FAT3: variants seen among roughly 807,000 people sequenced by gnomAD.
FAT3 encodes the protein protocadherin Fat 3.
A neutral mutation model predicts 310.2 loss-of-function variants in FAT3; 95 were observed. That is an observed-to-expected ratio of 0.31 (90% confidence interval 0.26 to 0.36). FAT3 has a LOEUF of 0.36. Among genes scored for constraint, FAT3 ranks in the 10% least tolerant of loss-of-function variants. The pLI, the probability that FAT3 is intolerant of heterozygous loss-of-function variation, is 1.00. For synonymous variants in FAT3, 2,314 were observed against 2,192.9 expected (o/e 1.06, Z -1.54); for missense variants, 5,408 against 5,715.6 (o/e 0.95, Z 1.74).
intron 3 of FAT3, among the ~76,000 whole-genome samples, chr11:92,677,594 G>A (rs992216819): frequency 1.3e-5 from 2 of 152,144 alleles, no homozygotes; most frequent in Non-Finnish European, 2.9e-5. Context: ...TTGCAGCTTT[G>A]GAGGATGGAA....
intron 2 of FAT3, among the ~76,000 whole-genome samples, chr11:92,465,083 G>A (rs1291733383): frequency 2.6e-5 from 4 of 152,136 alleles, no homozygotes; most frequent in African/African-American, 9.7e-5. Context: ...TTTGATTTAC[G>A]TGATATGCAG....
rs529617795 is a variant in FAT3, at chr11:92,471,915, C to A, written c.3293-52719C>A. Reference sequence around the variant, plus strand: ...TTCAAAAGACCCTACTTTTCATATGCTATATATATATATATATATATATAT... The same window carrying A: ...TTCAAAAGACCCTACTTTTCATATGATATATATATATATATATATATATAT... On this transcript the variant is annotated intron_variant, in intron 2 of 27. Transcript: ENST00000525166. 9.6e-4 allele frequency among the ~76,000 whole-genome samples: 120 copies of A among 124,916 alleles called. 1 individual carries two copies. The highest frequency in any genetic ancestry group is 3.3e-3 in the African/African-American group (106 of 32,266). The allele number at this position is 124,916 out of a possible 152,430, so 81.9% of individuals were successfully genotyped here.
intron 13 of FAT3, among the ~76,000 whole-genome samples, chr11:92,822,175 A>T (rs952494507): frequency 2.0e-5 from 3 of 152,192 alleles, no homozygotes; most frequent in African/African-American, 4.8e-5. Context: ...ATTCCTTCCA[A>T]AAAGGAGGTA....
chr11:92,403,064 CA>C (rs1419705190), intron 2 of FAT3, among the ~76,000 whole-genome samples: 1 of 152,166 alleles, frequency 6.6e-6, no homozygotes, highest in Non-Finnish European at 1.5e-5. Context: ...GTCTTACAGA[CA>C]AGTTTACTTG....
rs545256157 is a variant in FAT3, at chr11:92,773,919, TGAG to T, written c.4196-121_4196-119del. On this transcript the variant is annotated intron_variant, in intron 6 of 27. Transcript: ENST00000525166. ...AGGTCCCATTTAAGATGTACAAAAT[TGAG>T]CCATAGGGATGCCTGTCAAAAAAAA... is the stretch of plus-strand genomic sequence containing the variant. The T allele has an allele frequency of 2.9e-4, 270 of 930,082 alleles. 2 individuals are homozygous for T. The South Asian group carries it at 4.6e-3, about 16-fold the overall frequency. 57.6% of individuals were successfully genotyped at this position (930,082 alleles called of 1,614,324 possible). A position where few individuals can be genotyped will look rare whatever the true frequency, so the allele number is the denominator to read the frequency against.
At chr11:92,326,329 T>C (rs569735368) in intron 1 of FAT3, among the ~76,000 whole-genome samples, 47 of 152,336 alleles carry the variant, frequency 3.1e-4, no homozygotes, top group African/African-American at 9.9e-4. Context: ...AAAACAATCC[T>C]GTACAATATT....
chr11:92,705,978 AGTGATG>A (rs149853800), intron 4 of FAT3, among the ~76,000 whole-genome samples: 47,177 of 129,582 alleles, frequency 0.36, 7,729 homozygotes, highest in African/African-American at 0.39. Flanking sequence ...TGGTAGTGGC[AGTGATG>A]GTGATGGTGG....
At chr11:92,325,142 T>G (rs1947730715) in intron 1 of FAT3, among the ~76,000 whole-genome samples, 1 of 152,214 alleles carries the variant, frequency 6.6e-6, no homozygotes. Context: ...TGTGAAGTCA[T>G]TAAGGTACAA....
At position 92,799,061 on chromosome 11, in the gene FAT3, A is replaced by C. The variant is rs760937030; in HGVS notation, c.6048A>C (p.Lys2016Asn). The change falls in exon 10 of 28, where the codon AAA becomes AAC. Residue 2016 changes from lysine (K) to asparagine (N), a missense_variant. This residue lies in a region of FAT3 where 4,588 missense variants were observed against 4,809.8 expected (regional missense o/e 0.95). Coordinates refer to ENST00000525166, the MANE Select transcript of FAT3 (RefSeq NM_001367949.2). ...GAAATCGCCTTAATGAGCCCTTAAA[A>C]TACAGCATCTTAAACCCAGGAAATA... ...AVGNRLNEPL[K>N]YSILNPGNKF... The C allele has an allele frequency of 1.9e-6, 3 of 1,613,980 alleles. No homozygotes were observed. The highest frequency in any genetic ancestry group is 2.5e-6 in the Non-Finnish European group (3 of 1,179,878).
intron 2 of FAT3, among the ~76,000 whole-genome samples, chr11:92,411,533 A>G (rs1351110895): frequency 6.6e-6 from 1 of 152,146 alleles, no homozygotes; most frequent in African/African-American, 2.4e-5. Context: ...GGCAAGACCC[A>G]GGAATCTGTA....
At chr11:92,514,584 A>AT (rs1953413143) in intron 2 of FAT3, among the ~76,000 whole-genome samples, 1 of 152,124 alleles carries the variant, frequency 6.6e-6, no homozygotes, top group African/African-American at 2.4e-5. Context: ...TAGATGGTTT[A>AT]TTTTTTAAAT....
At chr11:92,784,710 C>A (rs143673565) in intron 7 of FAT3, among the ~76,000 whole-genome samples, 116 of 152,186 alleles carry the variant, frequency 7.6e-4, no homozygotes, top group South Asian at 4.4e-3. Flanking sequence ...ACAAATGGCC[C>A]CGACTGTGGG....
At chr11:92,726,335 A>G (rs978601038) in intron 4 of FAT3, among the ~76,000 whole-genome samples, 1 of 152,172 alleles carries the variant, frequency 6.6e-6, no homozygotes, top group African/African-American at 2.4e-5. Context: ...TATTCAGAAA[A>G]GCATATTTAT....
chr11:92,872,904 T>G (rs192069332), intron 22 of FAT3, among the ~76,000 whole-genome samples: 2 of 152,300 alleles, frequency 1.3e-5, no homozygotes, highest in Non-Finnish European at 1.5e-5. Flanking sequence ...CACTCATAAT[T>G]AGAATCTCAC....
chr11:92,769,312 G>A (rs932118601), intron 6 of FAT3, among the ~76,000 whole-genome samples: 8 of 152,172 alleles, frequency 5.3e-5, no homozygotes, highest in South Asian at 2.1e-4. Context: ...ACAGCCCAAC[G>A]CACAGCATGT....
At chr11:92,225,214 T>TGCACCGACTGGAGC (rs1445607769) in intron 1 of FAT3, among the ~76,000 whole-genome samples, 40 bp downstream of exon 1, 12 of 152,174 alleles carry the variant, frequency 7.9e-5, no homozygotes, top group South Asian at 2.1e-4. Context: ...GGCTGCCTGG[T>TGCACCGACTGGAGC]GCACCGACTG....
intron 13 of FAT3, among the ~76,000 whole-genome samples, chr11:92,812,159 C>A (rs12806785): frequency 0.2 from 30,056 of 152,162 alleles, 4,003 homozygotes; most frequent in Non-Finnish European, 0.3. Context: ...TCAAAAGTGA[C>A]AATTTCTCCG....
chr11:92,658,916 C>T (rs960100552), intron 3 of FAT3, among the ~76,000 whole-genome samples: 2 of 137,286 alleles, frequency 1.5e-5, no homozygotes, highest in Non-Finnish European at 3.3e-5. Context: ...TTGTCATCAT[C>T]GTCATTATCA....
chr11:92,814,511 G>A (rs1388979823), intron 13 of FAT3, among the ~76,000 whole-genome samples: 1 of 152,162 alleles, frequency 6.6e-6, no homozygotes, highest in East Asian at 1.9e-4. Flanking sequence ...ATTTTAGCAT[G>A]AAGTTCTTAG....
Sources: allele counts gnomAD v4.1 joint callset (sites outside exome capture counted in the v4.1 genomes callset), GRCh38; gene constraint gnomAD v4.1.1; regional missense constraint gnomAD v4.1.1; transcripts MANE v1.5; gene names NCBI Gene and HGNC (gene_info 2026-07-23, HGNC 2026-07-21).